SMIM19: variants seen among roughly 807,000 people sequenced by gnomAD.
SMIM19 encodes small integral membrane protein 19, also known as UPF0697 protein C8orf40.
Under a neutral mutation model 13.2 loss-of-function variants are expected in SMIM19, and 6 were observed. That is an observed-to-expected ratio of 0.45 (90% confidence interval 0.25 to 0.90). The LOEUF is 0.90. Ranked by LOEUF, SMIM19 falls within the 40% of genes least tolerant of loss-of-function variation. SMIM19 has a pLI of 0.19. For synonymous variants in SMIM19, 46 were observed against 43.1 expected, an observed-to-expected ratio of 1.07 and a Z score of -0.27; for missense variants, 138 against 131.0, an observed-to-expected ratio of 1.05 and a Z score of -0.26.
intron 1 of SMIM19, among the ~76,000 whole-genome samples, chr8:42,544,402 C>G (rs971942874): frequency 3.4e-5 from 5 of 147,472 alleles, no homozygotes; most frequent in Non-Finnish European, 7.4e-5. Context: ...CAGAGCGAGA[C>G]TCTGTCTCAG....
intron 1 of SMIM19, among the ~76,000 whole-genome samples, chr8:42,544,523 AC>A (rs1697755510): frequency 2.9e-5 from 1 of 34,374 alleles, no homozygotes; most frequent in Non-Finnish European, 8.3e-5. Flanking sequence ...TAGTGTTTAA[AC>A]AATATTTAGA....
At chr8:42,552,115 T>A (rs1417045727) in intron 3 of SMIM19, among the ~76,000 whole-genome samples, 1 of 152,014 alleles carries the variant, frequency 6.6e-6, no homozygotes, top group African/African-American at 2.4e-5. Context: ...ACAAAATTGT[T>A]TTAATTCTAG....
intron 1 of SMIM19, among the ~76,000 whole-genome samples, chr8:42,543,608 AAGT>A (rs1174816368): frequency 2.0e-5 from 3 of 152,190 alleles, no homozygotes; most frequent in Non-Finnish European, 4.4e-5. Context: ...GGGCAGGAGG[AAGT>A]AGCGCTTTTG....
At chr8:42,543,271 G>A (rs1408524411) in intron 1 of SMIM19, among the ~76,000 whole-genome samples, 1 of 152,114 alleles carries the variant, frequency 6.6e-6, no homozygotes, top group Non-Finnish European at 1.5e-5. Flanking sequence ...GGAGGGGACG[G>A]GGTCATAGTT....
At chr8:42,549,228 A>C (rs1813588064) in intron 3 of SMIM19, among the ~76,000 whole-genome samples, 1 of 152,170 alleles carries the variant, frequency 6.6e-6, no homozygotes, top group Non-Finnish European at 1.5e-5. Flanking sequence ...GCTGGCCAAG[A>C]TGGTGAAACC....
chr8:42,542,443 T>G, intron 1 of SMIM19, 70 bp downstream of exon 1: 1 of 985,416 alleles, frequency 1.0e-6, no homozygotes, highest in Non-Finnish European at 1.2e-6. Context: ...GAAATCCCAT[T>G]TTTTGATGCA....
In SMIM19 at chr8:42,552,502, AG is replaced by A. The variant is rs1813705635; in HGVS notation, c.260-41del. The A allele has an allele frequency of 1.9e-6, 3 of 1,588,578 alleles. No homozygotes were observed. In the African/African-American group the frequency reaches 4.0e-5, roughly 21 times the overall value. On this transcript the variant is annotated intron_variant, in intron 3 of 3. Transcript: ENST00000417410. ...TATTGTTAAGTAGTAATCATTTTGC[AG>A]TTTTATTAATTTTATCTCTTCTTTT...
intron 3 of SMIM19, 63 bp from the exon 4 acceptor site, chr8:42,552,478 ATTG>A (rs1813705093): frequency 2.7e-6 from 4 of 1,491,166 alleles, no homozygotes; most frequent in South Asian, 1.2e-5. Context: ...GTAATGTAAT[ATTG>A]TTAAGTAGTA....
At chr8:42,544,187 G>A (rs1397031990) in intron 1 of SMIM19, among the ~76,000 whole-genome samples, 2 of 152,018 alleles carry the variant, frequency 1.3e-5, no homozygotes, top group Non-Finnish European at 2.9e-5. Context: ...CGAGGTGGGC[G>A]GATCATGAGG....
chr8:42,543,026 T>C (rs1813324073), intron 1 of SMIM19, among the ~76,000 whole-genome samples: 1 of 151,438 alleles, frequency 6.6e-6, no homozygotes, highest in Admixed American at 6.6e-5. Context: ...AGTTTGTCAA[T>C]CTAAAACCAA....
Position 42,541,776 on chromosome 8 carries a change from G to C in SMIM19, c.-602G>C, listed in dbSNP as rs1051554599. The C allele has an allele frequency of 1.4e-5, 2 of 147,494 alleles. No individual in the cohort carries two copies. The highest frequency in any genetic ancestry group is 2.5e-5 in the African/African-American group (1 of 40,398). 9.1% of individuals were successfully genotyped at this position (147,494 alleles called of 1,614,324 possible). A position where few individuals can be genotyped will look rare whatever the true frequency, so the allele number is the denominator to read the frequency against. ...GCGTCACCCGGCCCCGCCCCGCGCC[G>C]CCCGCCCCGCCCCGGACGCGGGGGT... On this transcript the variant is annotated 5_prime_UTR_variant, in exon 1 of 4. Transcript: ENST00000417410.
In SMIM19 at chr8:42,554,681, G is replaced by A. The variant is rs1813770132; in HGVS notation, c.*2073G>A. 6.6e-6 allele frequency: 1 copy of A among 152,196 alleles called. No homozygotes were observed. The highest frequency in any genetic ancestry group is 1.5e-5 in the Non-Finnish European group (1 of 68,040). 9.4% of individuals were successfully genotyped at this position (152,196 alleles called of 1,614,324 possible). Reference sequence around the variant, plus strand: ...TGCTTCAACAGCTGAATTGGGGAGAGCGCAAGCCCTGCAGCCACACTTCAA... The same window carrying A: ...TGCTTCAACAGCTGAATTGGGGAGAACGCAAGCCCTGCAGCCACACTTCAA... On this transcript the variant is annotated 3_prime_UTR_variant, in exon 4 of 4. Transcript: ENST00000417410.
rs1469587751 is a variant in SMIM19, at chr8:42,553,550, A to G, written c.*942A>G. ...CCTAAAGAGCCTCATATCTTTTCCC[A>G]TGCTGTACTGTACAATGAAATGTTT... On this transcript the variant is annotated 3_prime_UTR_variant, in exon 4 of 4. Transcript: ENST00000417410. 5 of 152,206 alleles carry G rather than the reference A, an allele frequency of 3.3e-5. No individual in the cohort carries two copies. Among genetic ancestry groups the G allele is most frequent in the Admixed American group, 1.3e-4 (2 of 15,286 alleles). 9.4% of individuals were successfully genotyped at this position (152,206 alleles called of 1,614,324 possible). A position where few individuals can be genotyped will look rare whatever the true frequency, so the allele number is the denominator to read the frequency against.
chr8:42,541,516 AGG>A (rs1813159939), upstream of SMIM19: 2 of 115,336 alleles, frequency 1.7e-5, no homozygotes, highest in East Asian at 2.7e-4. Flanking sequence ...AAAAGGGGAA[AGG>A]AAAAAAAAAA....
intron 3 of SMIM19, among the ~76,000 whole-genome samples, chr8:42,550,943 T>C (rs1813653899): frequency 1.3e-5 from 2 of 152,106 alleles, no homozygotes; most frequent in African/African-American, 4.8e-5. Context: ...ACTCCCGAAG[T>C]TGTAAGCTTT....
At chr8:42,551,305 G>A (rs1422588521) in intron 3 of SMIM19, among the ~76,000 whole-genome samples, 5 of 118,470 alleles carry the variant, frequency 4.2e-5, no homozygotes, top group Non-Finnish European at 8.8e-5. Flanking sequence ...GCGACAGAGC[G>A]AGACTCAAAA....
chr8:42,554,015 G>A lies in SMIM19; in HGVS notation c.*1407G>A, dbSNP rs1813750630. 6.6e-6 allele frequency: 1 copy of A among 151,350 alleles called. No homozygotes were observed. The allele number at this position is 151,350 out of a possible 1,614,324, so 9.4% of individuals were successfully genotyped here. A position where few individuals can be genotyped will look rare whatever the true frequency, so the allele number is the denominator to read the frequency against. Reference sequence around the variant, plus strand: ...AAAAAAAAGTTAATAATGGCTTCAAGTATTTCATTTTCCCCTTATTGTGAA... The same window carrying A: ...AAAAAAAAGTTAATAATGGCTTCAAATATTTCATTTTCCCCTTATTGTGAA... On this transcript the variant is annotated 3_prime_UTR_variant, in exon 4 of 4. Coordinates refer to ENST00000417410, the MANE Select transcript of SMIM19 (RefSeq NM_001135674.2).
chr8:42,546,251 G>T (rs1406464155), intron 1 of SMIM19, among the ~76,000 whole-genome samples: 2 of 152,126 alleles, frequency 1.3e-5, no homozygotes, highest in Non-Finnish European at 2.9e-5. Context: ...TTCACAGTTG[G>T]TTGATTATGT....
chr8:42,547,443 A>T (rs916424566), intron 2 of SMIM19, among the ~76,000 whole-genome samples: 5 of 152,140 alleles, frequency 3.3e-5, no homozygotes, highest in African/African-American at 9.7e-5. Context: ...CTAAACTCTC[A>T]ATTCTGCAAT....
Sources: allele counts gnomAD v4.1 joint callset (sites outside exome capture counted in the v4.1 genomes callset), GRCh38; gene constraint gnomAD v4.1.1; transcripts MANE v1.5; gene names NCBI Gene and HGNC (gene_info 2026-07-23, HGNC 2026-07-21).